Variants in MMP26 observed in about 807,000 individuals in gnomAD.
MMP26 encodes matrix metalloproteinase-26.
Under a neutral mutation model 31.0 loss-of-function variants are expected in MMP26, and 33 were observed. The ratio of observed to expected loss-of-function variants is 1.06; its 90% CI spans 0.81 to 1.42. The LOEUF is 1.42. MMP26 is among the 40% of genes most tolerant of loss of function. The probability of loss-of-function intolerance (pLI) is 0.00; values close to 1 mark genes in which losing one functional copy is unlikely to be tolerated. For synonymous variants in MMP26, 122 were observed against 114.9 expected (o/e 1.06, Z -0.40); for missense variants, 347 against 316.1 (o/e 1.10, Z -0.74).
chr11:4,915,613 G>T (rs1323307647), intron 2 of MMP26: 1 of 1,614,020 alleles, frequency 6.2e-7, no homozygotes, highest in Non-Finnish European at 8.5e-7. Context: ...CACTCAGCAG[G>T]AAGGTAGCAG....
intron 2 of MMP26, among the ~76,000 whole-genome samples, chr11:4,873,142 T>A (rs2133528483): frequency 6.6e-6 from 1 of 152,242 alleles, no homozygotes; most frequent in South Asian, 2.1e-4. Flanking sequence ...GATCAACTTT[T>A]CCTTGGTTCA....
At chr11:4,821,458 A>G (rs1407905117) in intron 2 of MMP26, 10 of 1,613,658 alleles carry the variant, frequency 6.2e-6, no homozygotes, top group Admixed American at 1.7e-5. Context: ...TGAGCCTCTG[A>G]TCTTCCTCCT....
At chr11:4,814,810 A>C (rs914833574) in intron 2 of MMP26, among the ~76,000 whole-genome samples, 1 of 152,224 alleles carries the variant, frequency 6.6e-6, no homozygotes, top group African/African-American at 2.4e-5. Flanking sequence ...TTTAGAGAAA[A>C]TTAGAGCATA....
At chr11:4,814,965 A>G (rs1486456471) in intron 2 of MMP26, among the ~76,000 whole-genome samples, 1 of 152,234 alleles carries the variant, frequency 6.6e-6, no homozygotes, top group African/African-American at 2.4e-5. Flanking sequence ...GTCAGGGTAC[A>G]GCTTGCTTTT....
chr11:4,857,308 A>G lies in MMP26; in HGVS notation c.-145+89967A>G, dbSNP rs1850068433. Among the ~76,000 whole-genome samples, 3 of 152,288 alleles carry G rather than the reference A, an allele frequency of 2.0e-5. No homozygotes were observed. The South Asian group carries it at 6.2e-4, about 32-fold the overall frequency. On this transcript the variant is annotated intron_variant, in intron 2 of 7. Coordinates refer to ENST00000380390, the MANE Select transcript of MMP26 (RefSeq NM_021801.5). ...AGGAGCTGGTTTGTTAAAAAGATTAACAAAATTGATAGACTGCTAGCAAGA... is the reference window on the plus strand; with the variant it reads ...AGGAGCTGGTTTGTTAAAAAGATTAGCAAAATTGATAGACTGCTAGCAAGA...
rs1200322617 is a variant in MMP26 at position 4,989,651 on chromosome 11, T to C, written c.103T>C (p.Tyr35His). 1 of 1,610,904 alleles carries C rather than the reference T, an allele frequency of 6.2e-7. No homozygotes were observed. Among genetic ancestry groups the C allele is most frequent in the Non-Finnish European group, 8.5e-7 (1 of 1,179,418 alleles). ...DHKGWDFVEGYFHQFFLTKKE... is the reference protein window; with the variant it reads ...DHKGWDFVEGHFHQFFLTKKE... The stretch of plus-strand genomic sequence containing the variant: ...CATCCTTCTTGATCTGATTCAGGGC[T>C]ATTTCCATCAATTTTTCCTGACCAA... The change falls in exon 4 of 8, where the codon TAT becomes CAT. Residue 35 changes from tyrosine (Y) to histidine (H), a missense_variant. Tyr to His is a moderately conservative substitution (Grantham distance 83). Transcript: ENST00000380390.
intron 1 of MMP26, chr11:4,722,612 T>C: frequency 1.8e-6 from 1 of 566,022 alleles, no homozygotes; most frequent in Non-Finnish European, 3.1e-6. Context: ...GTGGGTGGGC[T>C]GAGGGCTAGG....
At chr11:4,938,679 G>A (rs956028407) in intron 2 of MMP26, among the ~76,000 whole-genome samples, 1 of 151,998 alleles carries the variant, frequency 6.6e-6, no homozygotes, top group Non-Finnish European at 1.5e-5. Flanking sequence ...AACTTCTTGA[G>A]CAAGGAAAGC....
chr11:4,933,535 T>G (rs1048045983), intron 2 of MMP26, among the ~76,000 whole-genome samples: 21 of 141,638 alleles, frequency 1.5e-4, no homozygotes, highest in Middle Eastern at 3.5e-3. Context: ...TTGTTTTTTT[T>G]TTTGTTTGTT....
chr11:4,988,916 A>C (rs768040934), intron 3 of MMP26, among the ~76,000 whole-genome samples: 14 of 152,236 alleles, frequency 9.2e-5, no homozygotes, highest in Non-Finnish European at 1.9e-4. Context: ...AGCTGATAAT[A>C]AAACAAAGGC....
chr11:4,741,516 GA>G (rs1848311167), intron 1 of MMP26, among the ~76,000 whole-genome samples: 1 of 152,108 alleles, frequency 6.6e-6, no homozygotes, highest in Non-Finnish European at 1.5e-5. Context: ...GATGAAGCTG[GA>G]AGCCATCATC....
intron 2 of MMP26, among the ~76,000 whole-genome samples, chr11:4,829,550 T>G (rs1368825): frequency 6.6e-6 from 1 of 152,066 alleles, no homozygotes; most frequent in African/African-American, 2.4e-5. Flanking sequence ...GCTGAACAAT[T>G]TCCCTTCTGA....
chr11:4,852,858 T>TA (rs368044363), intron 2 of MMP26, among the ~76,000 whole-genome samples: 16 of 152,240 alleles, frequency 1.1e-4, no homozygotes, highest in African/African-American at 3.4e-4. Flanking sequence ...GATAGATATA[T>TA]AATATTCAGC....
At chr11:4,726,488 ATT>A (rs1478534965) in intron 1 of MMP26, among the ~76,000 whole-genome samples, 1 of 151,878 alleles carries the variant, frequency 6.6e-6, no homozygotes, top group African/African-American at 2.4e-5. Context: ...CATTGGTTTT[ATT>A]TTCTTTTCCT....
Position 4,823,463 on chromosome 11 carries a change from C to G in MMP26, c.-145+56122C>G, listed in dbSNP as rs577471981. 3.9e-5 allele frequency among the ~76,000 whole-genome samples: 6 copies of G among 152,272 alleles called. No individual in the cohort carries two copies. The South Asian group carries it at 8.3e-4, about 21-fold the overall frequency. On this transcript the variant is annotated intron_variant, in intron 2 of 7. Coordinates refer to ENST00000380390, the MANE Select transcript of MMP26 (RefSeq NM_021801.5). ...TTTGGAAATGTTTTCCTTCACCACT[C>G]TCCTTTATGCCATCAAAGGTAGGGC...
intron 1 of MMP26, among the ~76,000 whole-genome samples, chr11:4,751,434 T>C (rs1460230541): frequency 6.6e-6 from 1 of 152,146 alleles, no homozygotes; most frequent in Non-Finnish European, 1.5e-5. Flanking sequence ...TATTTAAAGA[T>C]GAGCCTTGAA....
chr11:4,971,543 C>G (rs1846666561), intron 2 of MMP26, among the ~76,000 whole-genome samples: 2 of 152,008 alleles, frequency 1.3e-5, no homozygotes. Context: ...TCTAAATGAA[C>G]AGTGAAAAGT....
At chr11:4,788,369 T>C (rs1848977282) in intron 2 of MMP26, among the ~76,000 whole-genome samples, 3 of 151,778 alleles carry the variant, frequency 2.0e-5, no homozygotes, top group South Asian at 4.2e-4. Context: ...TTTGAGAGAA[T>C]TGAGGGTTCT....
At chr11:4,813,566 G>A (rs1371097215) in intron 2 of MMP26, among the ~76,000 whole-genome samples, 2 of 152,022 alleles carry the variant, frequency 1.3e-5, no homozygotes, top group Non-Finnish European at 2.9e-5. Flanking sequence ...TCTATTCAGT[G>A]ACAGAACAAT....
Sources: gnomAD v4.1 joint callset for allele counts (sites outside exome capture counted in the v4.1 genomes callset) on GRCh38, gnomAD v4.1.1 for gene constraint, MANE v1.5 for transcripts, NCBI Gene and HGNC (gene_info 2026-07-23, HGNC 2026-07-21) for gene names.